The following PPP1R12A variants were observed in gnomAD, a reference collection of about 807,000 sequenced individuals.
PPP1R12A encodes protein phosphatase 1 regulatory subunit 12A, also known as myosin binding subunit.
PPP1R12A carries 19 observed loss-of-function variants against 139.6 expected under a neutral mutation model. The observed-to-expected ratio is 0.14, with a 90% CI of 0.09 to 0.20. The LOEUF is 0.20. PPP1R12A is among the 10% of genes least tolerant of loss of function. The pLI, the probability that PPP1R12A is intolerant of heterozygous loss-of-function variation, is 1.00. For synonymous variants in PPP1R12A, 427 were observed against 420.6 expected, an observed-to-expected ratio of 1.02 and a Z score of -0.19; for missense variants, 925 against 1,211.5, an observed-to-expected ratio of 0.76 and a Z score of 3.51.
intron 1 of PPP1R12A, among the ~76,000 whole-genome samples, chr12:79,917,714 T>C (rs1887114609): frequency 6.6e-6 from 1 of 152,090 alleles, no homozygotes; most frequent in Non-Finnish European, 1.5e-5. Flanking sequence ...AGAAAAAACA[T>C]TAAATCTATT....
intron 1 of PPP1R12A, among the ~76,000 whole-genome samples, chr12:79,900,289 C>T (rs1392993325): frequency 1.3e-5 from 2 of 151,884 alleles, no homozygotes; most frequent in African/African-American, 2.4e-5. Flanking sequence ...ATTTATTATG[C>T]TGCCTGTCCT....
intron 2 of PPP1R12A, among the ~76,000 whole-genome samples, chr12:79,861,677 C>T (rs7301980): frequency 0.79 from 119,397 of 151,990 alleles, 49,427 homozygotes; most frequent in Non-Finnish European, 0.92. Flanking sequence ...CTTGGCTCGG[C>T]GGGTCTCACG....
At chr12:79,854,527 TAGAA>T (rs1880403112) in intron 2 of PPP1R12A, among the ~76,000 whole-genome samples, 1 of 152,198 alleles carries the variant, frequency 6.6e-6, no homozygotes, top group Non-Finnish European at 1.5e-5. Flanking sequence ...TGACAAAGGC[TAGAA>T]AGAGAGGCAG....
At chr12:79,935,290 C>T (rs1006495034), upstream of PPP1R12A, 1 of 1,062,298 alleles carries the variant, frequency 9.4e-7, no homozygotes, top group Non-Finnish European at 1.1e-6. Flanking sequence ...CGAACTGCGG[C>T]GGTGGTGGCT....
intron 1 of PPP1R12A, among the ~76,000 whole-genome samples, chr12:79,923,219 A>G (rs1311719205): frequency 2.0e-5 from 3 of 152,230 alleles, no homozygotes; most frequent in East Asian, 1.9e-4. Flanking sequence ...AGTTGCAGTC[A>G]GCCGAGATCA....
chr12:79,933,768 G>A (rs1357533825), intron 1 of PPP1R12A, among the ~76,000 whole-genome samples: 1 of 152,200 alleles, frequency 6.6e-6, no homozygotes, highest in Non-Finnish European at 1.5e-5. Context: ...CTAACATTGA[G>A]AGATCCCAAT....
intron 21 of PPP1R12A, chr12:79,787,129 A>C (rs1166579802): frequency 6.6e-6 from 1 of 152,078 alleles, no homozygotes; most frequent in Non-Finnish European, 1.5e-5. Flanking sequence ...AATCTGTTTT[A>C]TATATAGGAG....
At chr12:79,790,522 T>C (rs774556795) in intron 19 of PPP1R12A, 39 bp from the exon 20 acceptor site, 69 of 1,335,552 alleles carry the variant, frequency 5.2e-5, no homozygotes, top group Admixed American at 5.4e-5. Context: ...ACTAAATTTT[T>C]ATGCTTTCAT....
intron 8 of PPP1R12A, 29 bp downstream of exon 8, chr12:79,820,745 A>G: frequency 1.9e-6 from 3 of 1,600,816 alleles, no homozygotes; most frequent in Non-Finnish European, 8.5e-7. Flanking sequence ...ACAAAATTCA[A>G]CGAAAATGCA....
Position 79,812,917 on chromosome 12 carries a change from T to TTATAA in PPP1R12A, c.1240-2912_1240-2908dup, listed in dbSNP as rs576056734. On this transcript the variant is annotated intron_variant, in intron 9 of 24. Transcript: ENST00000450142. ...GTCAAGTCTCTAAATCTCCTCTCCT[T>TTATAA]TATAAGCCCAGAGTCACTTCTCTAG... Among the ~76,000 whole-genome samples, 365 of 152,244 alleles carry TTATAA rather than the reference T, an allele frequency of 2.4e-3. 1 individual carries two copies. The highest frequency in any genetic ancestry group is 3.6e-3 in the Non-Finnish European group (248 of 68,010).
intron 1 of PPP1R12A, among the ~76,000 whole-genome samples, chr12:79,922,048 T>G (rs1431811847): frequency 2.0e-5 from 3 of 152,144 alleles, no homozygotes; most frequent in African/African-American, 7.2e-5. Flanking sequence ...CCCAGGAGTT[T>G]GAAACCAGCC....
At chr12:79,781,232 A>G (rs1870409862) in intron 23 of PPP1R12A, among the ~76,000 whole-genome samples, 2 of 152,174 alleles carry the variant, frequency 1.3e-5, no homozygotes, top group South Asian at 4.1e-4. Context: ...ATACAAGTGA[A>G]TGTATTACAA....
At chr12:79,796,065 C>A (rs540044507) in intron 17 of PPP1R12A, among the ~76,000 whole-genome samples, 23 of 152,138 alleles carry the variant, frequency 1.5e-4, no homozygotes, top group Admixed American at 1.3e-3. Flanking sequence ...GTTTAAAGAA[C>A]TGAAACATCT....
chr12:79,828,516 T>A, intron 4 of PPP1R12A, 52 bp from the exon 5 acceptor site: 4 of 1,389,016 alleles, frequency 2.9e-6, no homozygotes, highest in Non-Finnish European at 3.9e-6. Context: ...AAATAAATGA[T>A]CATGATCAAA....
At chr12:79,815,445 C>T (rs2694663) in intron 9 of PPP1R12A, among the ~76,000 whole-genome samples, 23,217 of 151,422 alleles carry the variant, frequency 0.15, 4,874 homozygotes, top group African/African-American at 0.48. Flanking sequence ...CGCTTAAACC[C>T]GGGAGGCAGA....
rs940242694 is a variant in PPP1R12A, at chr12:79,935,038, C to G, written c.-107G>C. ...TGTGAATGTTTCTATGAGTGCGGGC[C>G]AGAGGAGGGCTGGGAACCCGGAGCC... is the stretch of plus-strand genomic sequence containing the variant. On this transcript the variant is annotated 5_prime_UTR_variant, in exon 1 of 25. Transcript: ENST00000450142. 34 of 1,423,892 alleles carry G rather than the reference C, an allele frequency of 2.4e-5. No individual in the cohort carries two copies. The highest frequency in any genetic ancestry group is 2.9e-5 in the Non-Finnish European group (32 of 1,089,616). The allele number at this position is 1,423,892 out of a possible 1,614,324, so 88.2% of individuals were successfully genotyped here.
intron 2 of PPP1R12A, among the ~76,000 whole-genome samples, chr12:79,854,735 A>G (rs925913450): frequency 2.0e-5 from 3 of 152,000 alleles, no homozygotes; most frequent in African/African-American, 7.3e-5. Context: ...GAACAGGTGC[A>G]ATCATAGTTT....
intron 1 of PPP1R12A, among the ~76,000 whole-genome samples, chr12:79,923,419 T>C (rs1215117389): frequency 6.6e-6 from 1 of 152,192 alleles, no homozygotes; most frequent in Non-Finnish European, 1.5e-5. Flanking sequence ...TGGAATACGA[T>C]ACACTCATTA....
intron 2 of PPP1R12A, among the ~76,000 whole-genome samples, chr12:79,853,807 CTTA>C (rs1399032806): frequency 6.6e-6 from 1 of 152,204 alleles, no homozygotes; most frequent in Non-Finnish European, 1.5e-5. Flanking sequence ...AAAAGTACTA[CTTA>C]TTGTTTAACA....
Sources: allele counts gnomAD v4.1 joint callset (sites outside exome capture counted in the v4.1 genomes callset), GRCh38; gene constraint gnomAD v4.1.1; transcripts MANE v1.5; gene names NCBI Gene and HGNC (gene_info 2026-07-23, HGNC 2026-07-21).